The following LRFN2 variants were observed in gnomAD, a reference collection of about 807,000 sequenced individuals.
LRFN2 encodes the protein leucine-rich repeat and fibronectin type-III domain-containing protein 2.
In LRFN2, 18 loss-of-function variants were observed where a neutral mutation model predicts 37.3. The observed-to-expected ratio is 0.48, with a 90% CI of 0.33 to 0.72. The LOEUF (loss-of-function observed/expected upper bound fraction) is 0.72, where lower values mean the gene tolerates loss of function less well. Ranked by LOEUF, LRFN2 falls within the 30% of genes least tolerant of loss-of-function variation. The probability of loss-of-function intolerance (pLI) is 0.02; values close to 1 mark genes in which losing one functional copy is unlikely to be tolerated. For synonymous variants in LRFN2, 556 were observed against 466.6 expected, an observed-to-expected ratio of 1.19 and a Z score of -2.47; for missense variants, 1,006 against 1,060.7, an observed-to-expected ratio of 0.95 and a Z score of 0.72.
chr6:40,461,251 T>C (rs1764341686), intron 1 of LRFN2, among the ~76,000 whole-genome samples: 1 of 151,546 alleles, frequency 6.6e-6, no homozygotes, highest in African/African-American at 2.4e-5. Context: ...TACAAAAAAA[T>C]AAAAAACATT....
At chr6:40,514,901 C>T (rs764033876) in intron 1 of LRFN2, among the ~76,000 whole-genome samples, 8 of 152,140 alleles carry the variant, frequency 5.3e-5, no homozygotes, top group Non-Finnish European at 1.2e-4. Context: ...TGCAGCACCC[C>T]CTCTTATGCT....
intron 1 of LRFN2, among the ~76,000 whole-genome samples, chr6:40,558,905 C>T (rs1345439561): frequency 1.3e-5 from 2 of 152,208 alleles, no homozygotes; most frequent in Admixed American, 1.3e-4. Flanking sequence ...GCCCGTGACA[C>T]TGTGCAGAGG....
At chr6:40,553,913 A>G (rs576373912) in intron 1 of LRFN2, among the ~76,000 whole-genome samples, 3 of 152,252 alleles carry the variant, frequency 2.0e-5, no homozygotes, top group African/African-American at 7.2e-5. Context: ...CACACTTTGG[A>G]TAACTGATGT....
intron 1 of LRFN2, among the ~76,000 whole-genome samples, chr6:40,485,615 C>A (rs1242672447): frequency 1.3e-5 from 2 of 152,220 alleles, no homozygotes; most frequent in Non-Finnish European, 2.9e-5. Flanking sequence ...GAGAAGAATT[C>A]TCTGGCTCAG....
At chr6:40,466,057 C>CT (rs1279026578) in intron 1 of LRFN2, among the ~76,000 whole-genome samples, 1 of 152,168 alleles carries the variant, frequency 6.6e-6, no homozygotes, top group Non-Finnish European at 1.5e-5. Flanking sequence ...CAAGGGAAGA[C>CT]TTGAGGCTCT....
intron 1 of LRFN2, among the ~76,000 whole-genome samples, chr6:40,578,025 A>G (rs1227173838): frequency 6.6e-6 from 1 of 151,980 alleles, no homozygotes; most frequent in East Asian, 1.9e-4. Context: ...TGCTCCCAGC[A>G]CAGCCCCGCC....
At chr6:40,567,459 A>G (rs1187301130) in intron 1 of LRFN2, among the ~76,000 whole-genome samples, 2 of 152,142 alleles carry the variant, frequency 1.3e-5, no homozygotes. Context: ...CCTAAAGAGC[A>G]TAAGGGAAGC....
chr6:40,577,785 GAA>G (rs754240494), intron 1 of LRFN2, among the ~76,000 whole-genome samples: 18 of 73,752 alleles, frequency 2.4e-4, no homozygotes, highest in East Asian at 1.7e-3. Flanking sequence ...AAAAAAAAAG[GAA>G]AAAATAAATA....
intron 1 of LRFN2, among the ~76,000 whole-genome samples, chr6:40,581,381 C>T (rs2494947): frequency 0.5 from 76,105 of 151,962 alleles, 19,692 homozygotes; most frequent in African/African-American, 0.61. Context: ...ACAGAGGGGA[C>T]GGCCAAAGTC....
At chr6:40,543,468 TC>T (rs1354233630) in intron 1 of LRFN2, among the ~76,000 whole-genome samples, 1 of 152,056 alleles carries the variant, frequency 6.6e-6, no homozygotes, top group Non-Finnish European at 1.5e-5. Context: ...TCCAACTTCT[TC>T]CTCCCACCAT....
intron 1 of LRFN2, among the ~76,000 whole-genome samples, chr6:40,439,195 TAGCAACCAGCCGAGG>T (rs1447406327): frequency 6.6e-6 from 1 of 152,102 alleles, no homozygotes; most frequent in Non-Finnish European, 1.5e-5. Context: ...AAAGATACCT[TAGCAACCAGCCGAGG>T]AGCCGCCCGC....
intron 1 of LRFN2, among the ~76,000 whole-genome samples, chr6:40,455,842 T>A: frequency 6.6e-6 from 1 of 152,198 alleles, no homozygotes; most frequent in Middle Eastern, 3.2e-3. Flanking sequence ...CCCTCATCAA[T>A]TGACTTTAAG....
chr6:40,504,305 T>C lies in LRFN2; in HGVS notation c.-18-71174A>G, dbSNP rs116916536. On this transcript the variant is annotated intron_variant, in intron 1 of 2. Transcript: ENST00000338305. ...TTAACTTCTCTGGGATAAGGAACTT[T>C]CTTTCTCTGATGAGGAACTTTAGTT... Among the ~76,000 whole-genome samples the C allele has an allele frequency of 1.4e-4, 22 of 152,372 alleles. No individual in the cohort carries two copies. In the East Asian group the frequency reaches 4.2e-3, roughly 29 times the overall value.
At chr6:40,490,108 A>G (rs1765054104) in intron 1 of LRFN2, among the ~76,000 whole-genome samples, 1 of 152,226 alleles carries the variant, frequency 6.6e-6, no homozygotes, top group Non-Finnish European at 1.5e-5. Context: ...CTCTGCAGCA[A>G]GCCCAGGAGA....
At chr6:40,516,297 T>C (rs999905769) in intron 1 of LRFN2, 1 of 152,178 alleles carries the variant, frequency 6.6e-6, no homozygotes, top group African/African-American at 2.4e-5. Flanking sequence ...CTGTTTAGGG[T>C]TCCAGATATC....
chr6:40,540,424 C>G (rs1766532030), intron 1 of LRFN2, among the ~76,000 whole-genome samples: 1 of 152,098 alleles, frequency 6.6e-6, no homozygotes, highest in Non-Finnish European at 1.5e-5. Flanking sequence ...CTTTGAGGCC[C>G]CAAGCATCAG....
At chr6:40,425,042 C>A (rs1038083858) in intron 2 of LRFN2, among the ~76,000 whole-genome samples, 6 of 152,208 alleles carry the variant, frequency 3.9e-5, no homozygotes, top group Admixed American at 3.9e-4. Flanking sequence ...GTCCTTTCCC[C>A]AGATAGGAGA....
intron 1 of LRFN2, among the ~76,000 whole-genome samples, chr6:40,467,703 C>T (rs745589115): frequency 2.0e-5 from 3 of 152,272 alleles, no homozygotes; most frequent in South Asian, 2.1e-4. Context: ...GACCTAGCCT[C>T]GGCCATGGGA....
At chr6:40,424,412 T>C (rs1763299106) in intron 2 of LRFN2, among the ~76,000 whole-genome samples, 1 of 152,198 alleles carries the variant, frequency 6.6e-6, no homozygotes, top group Admixed American at 6.5e-5. Context: ...AGCAGGTACA[T>C]AGCACAGTGG....
Sources: allele counts gnomAD v4.1 joint callset (sites outside exome capture counted in the v4.1 genomes callset), GRCh38; gene constraint gnomAD v4.1.1; transcripts MANE v1.5; gene names NCBI Gene and HGNC (gene_info 2026-07-23, HGNC 2026-07-21).